The following LINGO2 variants were observed in gnomAD, a reference collection of about 807,000 sequenced individuals.
LINGO2 encodes leucine rich repeat and Ig domain containing 2.
LINGO2 carries 14 observed loss-of-function variants against 30.6 expected under a neutral mutation model. That is an observed-to-expected ratio of 0.46 (90% CI 0.30 to 0.72). LINGO2 has a LOEUF of 0.72. Ranked by LOEUF, LINGO2 falls within the 30% of genes least tolerant of loss-of-function variation. The pLI, the probability that LINGO2 is intolerant of heterozygous loss-of-function variation, is 0.07. For synonymous variants in LINGO2, 317 were observed against 288.5 expected, an observed-to-expected ratio of 1.10 and a Z score of -1.00; for missense variants, 729 against 751.7, an observed-to-expected ratio of 0.97 and a Z score of 0.35.
the LINGO2 span, among the ~76,000 whole-genome samples, chr9:29,051,968 G>A: frequency 6.6e-6 from 1 of 152,016 alleles, no homozygotes; most frequent in Non-Finnish European, 1.5e-5. Context: ...ATAAGCAGAT[G>A]TGTGTGAATA....
intron 2 of LINGO2, among the ~76,000 whole-genome samples, chr9:28,399,191 G>T (rs952139364): frequency 6.6e-6 from 1 of 152,090 alleles, no homozygotes; most frequent in African/African-American, 2.4e-5. Flanking sequence ...CAAATATGAG[G>T]GGCTTGAGAA....
At chr9:28,618,560 A>G (rs889876293) in intron 1 of LINGO2, among the ~76,000 whole-genome samples, 2 of 152,126 alleles carry the variant, frequency 1.3e-5, no homozygotes, top group African/African-American at 4.8e-5. Flanking sequence ...CATAAATTAA[A>G]CATTTAAATC....
At chr9:28,741,446 T>G in the LINGO2 span, among the ~76,000 whole-genome samples, 2 of 151,870 alleles carry the variant, frequency 1.3e-5, no homozygotes, top group Non-Finnish European at 2.9e-5. Flanking sequence ...GCTGTCCTGA[T>G]GAAAAAATCT....
the LINGO2 span, among the ~76,000 whole-genome samples, chr9:29,132,527 C>T: frequency 6.6e-6 from 1 of 152,082 alleles, no homozygotes; most frequent in Non-Finnish European, 1.5e-5. Flanking sequence ...AACCAAGTAA[C>T]CAATGGGAAA....
chr9:29,003,891 G>C, the LINGO2 span, among the ~76,000 whole-genome samples: 1 of 151,952 alleles, frequency 6.6e-6, no homozygotes, highest in African/African-American at 2.4e-5. Flanking sequence ...GTTATTATTT[G>C]TCTAGAAGAG....
intron 1 of LINGO2, among the ~76,000 whole-genome samples, chr9:28,535,996 C>G (rs1192404445): frequency 6.6e-6 from 1 of 152,114 alleles, no homozygotes; most frequent in African/African-American, 2.4e-5. Context: ...TGGATAGACA[C>G]TTGATGAAGT....
chr9:28,137,843 G>A (rs1241365250), intron 4 of LINGO2, among the ~76,000 whole-genome samples: 1 of 151,982 alleles, frequency 6.6e-6, no homozygotes, highest in African/African-American at 2.4e-5. Context: ...AGTTCTATGA[G>A]GTAAGAGGAA....
At chr9:28,958,356 A>T in the LINGO2 span, among the ~76,000 whole-genome samples, 2 of 152,186 alleles carry the variant, frequency 1.3e-5, no homozygotes, top group East Asian at 3.9e-4. Context: ...ATTTAATAAG[A>T]GTATCTAGGC....
At chr9:28,117,948 G>A (rs748841187) in intron 4 of LINGO2, among the ~76,000 whole-genome samples, 35 of 152,340 alleles carry the variant, frequency 2.3e-4, no homozygotes, top group Non-Finnish European at 3.7e-4. Flanking sequence ...AAGTGTAAAA[G>A]AGTCCAGAGA....
intron 4 of LINGO2, among the ~76,000 whole-genome samples, chr9:28,240,794 G>T (rs1821755725): frequency 6.6e-6 from 1 of 152,050 alleles, no homozygotes; most frequent in African/African-American, 2.4e-5. Flanking sequence ...GGACAAATGG[G>T]ATCACATCAA....
At chr9:28,354,502 C>T (rs944290703) in intron 3 of LINGO2, among the ~76,000 whole-genome samples, 6 of 152,140 alleles carry the variant, frequency 3.9e-5, no homozygotes, top group African/African-American at 1.4e-4. Context: ...CTTCTCAATT[C>T]TTTCAATTCT....
chr9:28,103,459 C>T (rs896920910), intron 4 of LINGO2, among the ~76,000 whole-genome samples: 3 of 152,094 alleles, frequency 2.0e-5, no homozygotes, highest in African/African-American at 7.2e-5. Context: ...TATGTACTGT[C>T]TTGAAACTCT....
At chr9:28,314,163 T>C (rs945199375) in intron 3 of LINGO2, among the ~76,000 whole-genome samples, 1 of 152,138 alleles carries the variant, frequency 6.6e-6, no homozygotes, top group African/African-American at 2.4e-5. Flanking sequence ...CTCGATCTCC[T>C]GACCTCGTGA....
chr9:28,142,653 A>G (rs1173781581), intron 4 of LINGO2, among the ~76,000 whole-genome samples: 2 of 152,226 alleles, frequency 1.3e-5, no homozygotes, highest in Non-Finnish European at 2.9e-5. Context: ...ATTGGCTATC[A>G]TTGACTTAAG....
At chr9:28,284,676 A>G (rs1823443790) in intron 4 of LINGO2, among the ~76,000 whole-genome samples, 2 of 152,204 alleles carry the variant, frequency 1.3e-5, no homozygotes, top group African/African-American at 4.8e-5. Flanking sequence ...ACTTCAAGGT[A>G]GTATCTCAAA....
chr9:28,015,895 C>G (rs1369643898), intron 4 of LINGO2, among the ~76,000 whole-genome samples: 1 of 147,780 alleles, frequency 6.8e-6, no homozygotes, highest in Non-Finnish European at 1.5e-5. Flanking sequence ...CAATGGAGAG[C>G]AAAGCACTTG....
At chr9:28,231,605 A>T (rs1460820148) in intron 4 of LINGO2, among the ~76,000 whole-genome samples, 1 of 152,148 alleles carries the variant, frequency 6.6e-6, no homozygotes, top group Non-Finnish European at 1.5e-5. Context: ...GTTTTAAGAC[A>T]TCTGACACTC....
chr9:28,227,776 T>C (rs1025406296), intron 4 of LINGO2, among the ~76,000 whole-genome samples: 1 of 152,064 alleles, frequency 6.6e-6, no homozygotes, highest in Non-Finnish European at 1.5e-5. Context: ...GATTCCAGTG[T>C]GAGCAATATG....
intron 1 of LINGO2, among the ~76,000 whole-genome samples, chr9:28,530,599 G>A (rs1587812916): frequency 6.6e-6 from 1 of 151,956 alleles, no homozygotes; most frequent in African/African-American, 2.4e-5. Flanking sequence ...AAACCTATAG[G>A]GATTTCAGCC....
Sources: allele counts gnomAD v4.1 joint callset (sites outside exome capture counted in the v4.1 genomes callset), GRCh38; gene constraint gnomAD v4.1.1; transcripts MANE v1.5; gene names NCBI Gene and HGNC (gene_info 2026-07-23, HGNC 2026-07-21).